The following SRPRB variants were observed in gnomAD, a reference collection of about 807,000 sequenced individuals.
SRPRB encodes the protein signal recognition particle receptor subunit beta.
SRPRB carries 20 observed loss-of-function variants against 31.9 expected under a neutral mutation model. The ratio of observed to expected loss-of-function variants is 0.63; its 90% CI spans 0.44 to 0.91. The LOEUF is 0.91. Ranked by LOEUF, SRPRB falls within the 40% of genes least tolerant of loss-of-function variation. SRPRB has a pLI of 0.00. For synonymous variants in SRPRB, 146 were observed against 132.8 expected, an observed-to-expected ratio of 1.10 and a Z score of -0.68; for missense variants, 321 against 324.9, an observed-to-expected ratio of 0.99 and a Z score of 0.09.
chr3:133,826,457 T>G (rs1326708491), downstream of SRPRB: 1 of 152,642 alleles, frequency 6.6e-6, no homozygotes, highest in Non-Finnish European at 1.5e-5. Flanking sequence ...GTTCATTCAC[T>G]GAGACCCAGT....
chr3:133,803,862 C>T (rs998401953), upstream of SRPRB, among the ~76,000 whole-genome samples: 9 of 151,496 alleles, frequency 5.9e-5, no homozygotes, highest in East Asian at 3.9e-4. Flanking sequence ...TGTTTTAGGC[C>T]GAGGTGGGTG....
At chr3:133,813,900 C>G (rs543573706) in intron 4 of SRPRB, among the ~76,000 whole-genome samples, 2 of 152,330 alleles carry the variant, frequency 1.3e-5, no homozygotes, top group South Asian at 4.1e-4. Context: ...AGCCTTTCCC[C>G]TTGGGGGTCT....
chr3:133,801,168 C>T (rs1321710539), upstream of SRPRB, among the ~76,000 whole-genome samples: 3 of 151,938 alleles, frequency 2.0e-5, no homozygotes, highest in Non-Finnish European at 2.9e-5. Flanking sequence ...CTTTGGGGAG[C>T]GGATGGAAGA....
chr3:133,824,781 A>AAAG (rs1216578932), downstream of SRPRB: 3 of 152,146 alleles, frequency 2.0e-5, no homozygotes, highest in African/African-American at 7.2e-5. Flanking sequence ...TCCTAACCAA[A>AAAG]AAGAGTAGAG....
chr3:133,811,109 A>G lies in SRPRB; in HGVS notation c.328-8A>G, dbSNP rs1169319456. On this transcript the variant is annotated splice_polypyrimidine_tract_variant and splice_region_variant and intron_variant, in intron 3 of 6. Coordinates refer to ENST00000678299, the MANE Select transcript of SRPRB (RefSeq NM_001379313.1). ...TTGAAACGTTAATGTTATTGCTGCC[A>G]TCCCCAGGGCAATAGTCTGACCTTG... 2 of 1,613,906 alleles carry G rather than the reference A, an allele frequency of 1.2e-6. No individual in the cohort carries two copies. The highest frequency in any genetic ancestry group is 1.7e-6 in the Non-Finnish European group (2 of 1,179,902).
At chr3:133,804,384 T>C (rs1338575417), upstream of SRPRB, among the ~76,000 whole-genome samples, 2 of 152,128 alleles carry the variant, frequency 1.3e-5, no homozygotes, top group Non-Finnish European at 2.9e-5. Context: ...GGAATAGGCA[T>C]TGCAATGGGA....
chr3:133,809,771 A>G (rs1181274986), intron 3 of SRPRB, among the ~76,000 whole-genome samples: 1 of 152,212 alleles, frequency 6.6e-6, no homozygotes, highest in Admixed American at 6.5e-5. Context: ...AAGAACGTAA[A>G]GTATCATTAA....
chr3:133,784,995 TG>T (rs562858179), intron 1 of SRPRB: 3 of 71,154 alleles, frequency 4.2e-5, no homozygotes, highest in Admixed American at 1.8e-4. Flanking sequence ...GGGAGGGAGG[TG>T]GGGGGGTCAG....
rs762376720 is a variant in SRPRB, at chr3:133,811,121, A to G, written c.332A>G (p.Asn111Ser). 8.7e-6 allele frequency: 14 copies of G among 1,614,170 alleles called. No individual in the cohort carries two copies. The highest frequency in any genetic ancestry group is 1.2e-5 in the Non-Finnish European group (14 of 1,180,004). The change falls in exon 4 of 7, where the codon AAT becomes AGT. Residue 111 changes from asparagine (N) to serine (S), a missense_variant. Asn to Ser is a conservative substitution (Grantham distance 46). Coordinates refer to ENST00000678299, the MANE Select transcript of SRPRB (RefSeq NM_001379313.1). ...TGTTATTGCTGCCATCCCCAGGGCA[A>G]TAGTCTGACCTTGATTGACCTTCCC... ...AVYRVNNNRGNSLTLIDLPGH... is the reference protein window; with the variant it reads ...AVYRVNNNRGSSLTLIDLPGH...
At chr3:133,818,516 T>C (rs1027938514) in intron 6 of SRPRB, among the ~76,000 whole-genome samples, 1 of 152,220 alleles carries the variant, frequency 6.6e-6, no homozygotes, top group African/African-American at 2.4e-5. Context: ...AGGCATTTCA[T>C]AGTCTCTCAA....
chr3:133,827,155 C>T (rs146832363), downstream of SRPRB: 3 of 152,510 alleles, frequency 2.0e-5, no homozygotes, highest in Admixed American at 2.0e-4. Flanking sequence ...CTGCCAGATT[C>T]TGCTGCACTT....
chr3:133,793,960 T>C (rs977634096), intron 1 of SRPRB: 2 of 152,092 alleles, frequency 1.3e-5, no homozygotes, highest in African/African-American at 4.8e-5. Context: ...ACCAAGAAAA[T>C]ACTTTGCCAG....
Position 133,805,825 on chromosome 3 carries a change from T to C in SRPRB, c.-24T>C, listed in dbSNP as rs1935141043. The C allele has an allele frequency of 3.1e-6, 5 of 1,594,200 alleles. No homozygotes were observed. The highest frequency in any genetic ancestry group is 2.2e-5 in the East Asian group (1 of 44,786). ...GTGCAGGGCCACGTCGCTTTTGCTG[T>C]ACCGGGGACCACGCGTCTCATCCAT... On this transcript the variant is annotated 5_prime_UTR_variant, in exon 1 of 7. Transcript: ENST00000678299.
Position 133,805,897 on chromosome 3 carries a change from G to C in SRPRB, c.49G>C (p.Gly17Arg). The C allele has an allele frequency of 6.2e-7, 1 of 1,613,724 alleles. No individual in the cohort carries two copies. The highest frequency in any genetic ancestry group is 8.5e-7 in the Non-Finnish European group (1 of 1,179,746). Residue 17 changes from glycine to arginine, a missense_variant, in exon 1 of 7, where the codon GGC becomes CGC. Coordinates refer to ENST00000678299, the MANE Select transcript of SRPRB (RefSeq NM_001379313.1). ...GGTGGCAGATGGCGGCGGTGCCGGGGGCACCTTCCAGCCCTACCTAGACAC... is the reference window on the plus strand; with the variant it reads ...GGTGGCAGATGGCGGCGGTGCCGGGCGCACCTTCCAGCCCTACCTAGACAC... ...RRVADGGGAG[G>R]TFQPYLDTLR...
At chr3:133,824,673 ACAAT>A (rs572581356), downstream of SRPRB, 3 of 152,232 alleles carry the variant, frequency 2.0e-5, no homozygotes, top group African/African-American at 4.8e-5. Flanking sequence ...GGTGCCCATG[ACAAT>A]CAATCAGAGT....
At chr3:133,811,420 T>C (rs545591587) in intron 4 of SRPRB, among the ~76,000 whole-genome samples, 1 of 152,302 alleles carries the variant, frequency 6.6e-6, no homozygotes, top group South Asian at 2.1e-4. Flanking sequence ...TTTTAGTGTT[T>C]AGGAAATGTT....
At chr3:133,802,918 G>C (rs1294801228), upstream of SRPRB, among the ~76,000 whole-genome samples, 1 of 152,102 alleles carries the variant, frequency 6.6e-6, no homozygotes, top group Admixed American at 6.6e-5. Flanking sequence ...CTCCCGTTGA[G>C]GTCCCTAATT....
intron 1 of SRPRB, among the ~76,000 whole-genome samples, chr3:133,798,977 T>C (rs1412823254): frequency 1.3e-5 from 2 of 151,582 alleles, no homozygotes; most frequent in Non-Finnish European, 2.9e-5. Context: ...CCAACACACA[T>C]CTAAAATTTG....
At chr3:133,814,711 T>A (rs1368444632) in intron 4 of SRPRB, among the ~76,000 whole-genome samples, 1 of 152,190 alleles carries the variant, frequency 6.6e-6, no homozygotes, top group Non-Finnish European at 1.5e-5. Flanking sequence ...AGTGCTGGGA[T>A]TACAGGCGTG....
Sources: gnomAD v4.1 joint callset for allele counts (sites outside exome capture counted in the v4.1 genomes callset) on GRCh38, gnomAD v4.1.1 for gene constraint, MANE v1.5 for transcripts, NCBI Gene and HGNC (gene_info 2026-07-23, HGNC 2026-07-21) for gene names.